The following CAMK4 variants were observed in gnomAD, a reference collection of about 807,000 sequenced individuals.
The protein encoded by CAMK4 is calcium/calmodulin-dependent protein kinase type IV.
CAMK4 carries 22 observed loss-of-function variants against 44.9 expected under a neutral mutation model. That is an observed-to-expected ratio of 0.49 (90% CI 0.35 to 0.70). The LOEUF is 0.70. CAMK4 is among the 30% of genes least tolerant of loss of function. The probability of loss-of-function intolerance (pLI) is 0.01; values close to 1 mark genes in which losing one functional copy is unlikely to be tolerated. For synonymous variants in CAMK4, 218 were observed against 215.4 expected, an observed-to-expected ratio of 1.01 and a Z score of -0.11; for missense variants, 498 against 586.8, an observed-to-expected ratio of 0.85 and a Z score of 1.56.
intron 1 of CAMK4, among the ~76,000 whole-genome samples, chr5:111,316,347 C>A (rs1160779645): frequency 6.6e-6 from 1 of 152,178 alleles, no homozygotes; most frequent in Non-Finnish European, 1.5e-5. Flanking sequence ...CTTAACTGTT[C>A]TCAACATTTA....
chr5:111,456,147 C>G (rs1012943356), intron 7 of CAMK4, among the ~76,000 whole-genome samples: 3 of 151,990 alleles, frequency 2.0e-5, no homozygotes, highest in East Asian at 3.9e-4. Context: ...GGTTTGAGGT[C>G]TTTGAAATTA....
intron 2 of CAMK4, among the ~76,000 whole-genome samples, chr5:111,372,020 T>C (rs1751026488): frequency 6.6e-6 from 1 of 152,188 alleles, no homozygotes; most frequent in Non-Finnish European, 1.5e-5. Context: ...CAAAAGAGTT[T>C]CTAGGCAAAA....
chr5:111,311,597 A>C (rs1290902441), intron 1 of CAMK4, among the ~76,000 whole-genome samples: 1 of 152,158 alleles, frequency 6.6e-6, no homozygotes, highest in African/African-American at 2.4e-5. Context: ...AGCTGGCCTC[A>C]CACCCTCTGT....
chr5:111,341,370 T>G (rs572859781), intron 1 of CAMK4, among the ~76,000 whole-genome samples: 220 of 151,324 alleles, frequency 1.5e-3, no homozygotes, highest in Non-Finnish European at 2.1e-3. Flanking sequence ...GAGTAATTTT[T>G]TAATATAAGG....
intron 1 of CAMK4, among the ~76,000 whole-genome samples, chr5:111,287,829 A>G (rs1751301071): frequency 6.6e-6 from 1 of 152,192 alleles, no homozygotes; most frequent in Admixed American, 6.5e-5. Flanking sequence ...AGAAAAATGT[A>G]TAAAATATAG....
chr5:111,231,504 T>C (rs1748475936), intron 1 of CAMK4, among the ~76,000 whole-genome samples: 1 of 152,238 alleles, frequency 6.6e-6, no homozygotes. Context: ...CTCTTGAGAA[T>C]CATGTCTTGA....
intron 5 of CAMK4, among the ~76,000 whole-genome samples, chr5:111,411,303 C>A (rs1257518143): frequency 6.6e-6 from 1 of 152,158 alleles, no homozygotes; most frequent in Non-Finnish European, 1.5e-5. Context: ...TTCTTCCCAC[C>A]ATAGCAAAGC....
intron 1 of CAMK4, among the ~76,000 whole-genome samples, chr5:111,286,107 A>T (rs909166752): frequency 5.3e-5 from 8 of 152,234 alleles, no homozygotes; most frequent in African/African-American, 1.9e-4. Context: ...AAATGGAGGT[A>T]TGTAAAATTC....
chr5:111,274,657 A>C (rs1470094004), intron 1 of CAMK4, among the ~76,000 whole-genome samples: 1 of 152,186 alleles, frequency 6.6e-6, no homozygotes, highest in Non-Finnish European at 1.5e-5. Context: ...AGGACAGAAA[A>C]AAATAGCCCT....
rs531732239 is a variant in CAMK4 at position 111,377,695 on chromosome 5, C to A, written c.386+753C>A. 7.0e-4 allele frequency among the ~76,000 whole-genome samples: 106 copies of A among 151,900 alleles called. 3 individuals carry two copies. In the Middle Eastern group the frequency reaches 0.014, roughly 19 times the overall value. ...CCTTTTGCTGTGTTCATCAGGTAAT[C>A]AAAAAAGAATGGACTTTAAAGAAGA... is the stretch of plus-strand genomic sequence containing the variant. On this transcript the variant is annotated intron_variant, in intron 4 of 10. Transcript: ENST00000282356.
intron 5 of CAMK4, among the ~76,000 whole-genome samples, chr5:111,406,809 C>T (rs1458580047): frequency 2.0e-5 from 3 of 152,100 alleles, no homozygotes; most frequent in Non-Finnish European, 4.4e-5. Flanking sequence ...AAGGAAATGC[C>T]TCAGGATTAA....
chr5:111,429,901 CCTT>C (rs1301341624), intron 5 of CAMK4, among the ~76,000 whole-genome samples: 3 of 136,078 alleles, frequency 2.2e-5, no homozygotes, highest in Admixed American at 7.7e-5. Flanking sequence ...TAATATCAAT[CCTT>C]CTCAAACTAT....
Position 111,290,323 on chromosome 5 carries a change from C to G in CAMK4, c.162-53701C>G, listed in dbSNP as rs1024927283. Among the ~76,000 whole-genome samples the G allele has an allele frequency of 6.6e-6, 1 of 152,172 alleles. No individual in the cohort carries two copies. Among genetic ancestry groups the G allele is most frequent in the Admixed American group, 6.5e-5 (1 of 15,276 alleles). On this transcript the variant is annotated intron_variant, in intron 1 of 10. Transcript: ENST00000282356. This position sits in a 1 kb window ranked among gnomAD's most constrained non-coding sequence, Gnocchi z 4.5. The stretch of plus-strand genomic sequence containing the variant: ...GGCTATGCAAACATTTTTGCATCTT[C>G]TTGTCATACATTAATCCCTAGCCAG...
At chr5:111,456,117 G>T (rs1754403350) in intron 7 of CAMK4, among the ~76,000 whole-genome samples, 1 of 151,956 alleles carries the variant, frequency 6.6e-6, no homozygotes, top group African/African-American at 2.4e-5. Flanking sequence ...ACAAGAGTAA[G>T]TCCTAATATT....
Position 111,290,549 on chromosome 5 carries a change from T to A in CAMK4, c.162-53475T>A, listed in dbSNP as rs1747196205. On this transcript the variant is annotated intron_variant, in intron 1 of 10. Coordinates refer to ENST00000282356, the MANE Select transcript of CAMK4 (RefSeq NM_001744.6). This position sits in a 1 kb window ranked among gnomAD's most constrained non-coding sequence, Gnocchi z 4.5. ...TCCCCTGAGAAGTCTTATAAACTGCTGCTCAGAACCATCCATCAGAGGCCA... is the reference window on the plus strand; with the variant it reads ...TCCCCTGAGAAGTCTTATAAACTGCAGCTCAGAACCATCCATCAGAGGCCA... Among the ~76,000 whole-genome samples the A allele has an allele frequency of 6.6e-6, 1 of 152,224 alleles. No homozygotes were observed. Among genetic ancestry groups the A allele is most frequent in the South Asian group, 2.1e-4 (1 of 4,834 alleles).
At chr5:111,356,192 A>G (rs1233939032) in intron 2 of CAMK4, among the ~76,000 whole-genome samples, 1 of 149,016 alleles carries the variant, frequency 6.7e-6, no homozygotes, top group Non-Finnish European at 1.5e-5. Flanking sequence ...AATGATTGCC[A>G]TTCTAACTGG....
intron 1 of CAMK4, among the ~76,000 whole-genome samples, chr5:111,226,552 G>T (rs74338256): frequency 0.066 from 10,043 of 152,270 alleles, 352 homozygotes; most frequent in African/African-American, 0.075. Flanking sequence ...CCTGAAACAT[G>T]CTCAGAACAC....
At chr5:111,365,588 A>T (rs144424426) in intron 2 of CAMK4, among the ~76,000 whole-genome samples, 26 of 152,192 alleles carry the variant, frequency 1.7e-4, no homozygotes, top group African/African-American at 6.0e-4. Context: ...TTGCTGATGG[A>T]AGACATTTCA....
At chr5:111,343,918 A>G in intron 1 of CAMK4, 106 bp from the exon 2 acceptor site, 5 of 661,974 alleles carry the variant, frequency 7.6e-6, no homozygotes, top group Admixed American at 2.4e-5. Flanking sequence ...TATAATAAGC[A>G]CTTGTCAGTT....
Sources: gnomAD v4.1 joint callset for allele counts (sites outside exome capture counted in the v4.1 genomes callset) on GRCh38, gnomAD v4.1.1 for gene constraint, Gnocchi (gnomAD v3.1) non-coding constraint, MANE v1.5 for transcripts, NCBI Gene and HGNC (gene_info 2026-07-23, HGNC 2026-07-21) for gene names.